DPP6: variants seen among roughly 807,000 people sequenced by gnomAD.
DPP6 encodes dipeptidyl peptidase like 6, also known as A-type potassium channel modulatory protein DPP6.
In DPP6, 69 loss-of-function variants were observed where a neutral mutation model predicts 122.6. That is an observed-to-expected ratio of 0.56 (90% confidence interval 0.46 to 0.69). The LOEUF is 0.69. DPP6 is among the 30% of genes least tolerant of loss of function. DPP6 has a pLI of 0.00. For missense variants in DPP6, 928 were observed against 1,116.9 expected (o/e 0.83, Z 2.41); for synonymous variants, 418 against 433.1 (o/e 0.97, Z 0.43).
chr7:154,704,952 G>A (rs889296953), intron 7 of DPP6, among the ~76,000 whole-genome samples: 8 of 152,186 alleles, frequency 5.3e-5, no homozygotes, highest in Admixed American at 1.3e-4. Context: ...TCGAGGCTGG[G>A]TCTCAAACTC....
the DPP6 span, among the ~76,000 whole-genome samples, chr7:153,820,679 G>C: frequency 6.6e-6 from 1 of 152,136 alleles, no homozygotes; most frequent in East Asian, 1.9e-4. Flanking sequence ...AATAGCTGAA[G>C]AGCAGCCGAA....
chr7:154,271,176 A>G (rs1311162185), intron 1 of DPP6, among the ~76,000 whole-genome samples: 2 of 152,180 alleles, frequency 1.3e-5, no homozygotes, highest in Non-Finnish European at 2.9e-5. Context: ...GTAATAGTCT[A>G]TGTAAACTGA....
chr7:154,147,804 A>G (rs1796190578), intron 1 of DPP6, among the ~76,000 whole-genome samples: 1 of 152,124 alleles, frequency 6.6e-6, no homozygotes, highest in African/African-American at 2.4e-5. Flanking sequence ...TCAGCCTCCC[A>G]AAGTGCTGGG....
At chr7:154,441,968 G>A (rs140724734) in intron 1 of DPP6, among the ~76,000 whole-genome samples, 1 of 152,228 alleles carries the variant, frequency 6.6e-6, no homozygotes, top group East Asian at 1.9e-4. Context: ...AAATAAGTAT[G>A]AGCAGCAGTG....
the DPP6 span, among the ~76,000 whole-genome samples, chr7:153,833,357 T>C: frequency 6.6e-6 from 1 of 152,176 alleles, no homozygotes; most frequent in African/African-American, 2.4e-5. Flanking sequence ...TCTCAAGATT[T>C]AAACTGAAAT....
intron 1 of DPP6, among the ~76,000 whole-genome samples, chr7:154,096,790 T>C (rs1805352809): frequency 6.6e-6 from 1 of 152,236 alleles, no homozygotes; most frequent in African/African-American, 2.4e-5. Flanking sequence ...GAAATTATGA[T>C]TAAATGATTT....
At chr7:154,368,000 G>A (rs565473170) in intron 1 of DPP6, among the ~76,000 whole-genome samples, 6 of 152,174 alleles carry the variant, frequency 3.9e-5, no homozygotes, top group Admixed American at 2.0e-4. Flanking sequence ...TAGAGACAGG[G>A]TTTTACCATG....
At chr7:154,761,587 G>T (rs567833760) in intron 8 of DPP6, among the ~76,000 whole-genome samples, 14 of 152,346 alleles carry the variant, frequency 9.2e-5, no homozygotes, top group Middle Eastern at 3.4e-3. Flanking sequence ...CTTCTGGAGA[G>T]GCCTCAGGAA....
At chr7:153,915,977 T>G (rs896043880) in intron 1 of DPP6, among the ~76,000 whole-genome samples, 13 of 138,290 alleles carry the variant, frequency 9.4e-5, no homozygotes, top group Non-Finnish European at 1.9e-4. Context: ...ATTTATTTAT[T>G]TATTTTCGAG....
At chr7:153,942,687 G>T (rs1269923420) in intron 1 of DPP6, among the ~76,000 whole-genome samples, 2 of 152,226 alleles carry the variant, frequency 1.3e-5, no homozygotes, top group African/African-American at 4.8e-5. Flanking sequence ...GCCAGAGCGG[G>T]CTGTGTCTTG....
chr7:154,771,817 G>A (rs1269449751), intron 9 of DPP6, among the ~76,000 whole-genome samples: 1 of 152,220 alleles, frequency 6.6e-6, no homozygotes, highest in East Asian at 1.9e-4. Flanking sequence ...TCTGTAGCAT[G>A]TGGAAGGGTC....
chr7:154,864,028 T>C (rs774175103), intron 17 of DPP6, among the ~76,000 whole-genome samples: 5 of 150,906 alleles, frequency 3.3e-5, no homozygotes, highest in East Asian at 2.0e-4. Flanking sequence ...ACGTGAGGAG[T>C]GAGCAGAAAT....
At chr7:154,516,800 C>G (rs188028687) in intron 3 of DPP6, among the ~76,000 whole-genome samples, 1 of 152,132 alleles carries the variant, frequency 6.6e-6, no homozygotes, top group East Asian at 1.9e-4. Flanking sequence ...GAACAGTGAT[C>G]AATGGCCTCA....
chr7:154,540,765 C>A, intron 4 of DPP6, 139 bp downstream of exon 4: 1 of 569,604 alleles, frequency 1.8e-6, no homozygotes, highest in South Asian at 2.4e-5. Context: ...GCTGAGCAAC[C>A]AAAGATAATG....
chr7:154,801,873 C>A (rs751484060), intron 13 of DPP6, among the ~76,000 whole-genome samples: 1 of 152,106 alleles, frequency 6.6e-6, no homozygotes, highest in Non-Finnish European at 1.5e-5. Context: ...TGCTGCCCTA[C>A]CTCCACCCGG....
intron 3 of DPP6, among the ~76,000 whole-genome samples, chr7:154,522,056 C>T (rs1000618170): frequency 2.0e-5 from 3 of 152,058 alleles, no homozygotes; most frequent in East Asian, 1.9e-4. Context: ...CTCCACCTCC[C>T]GGGTTCACGC....
intron 1 of DPP6, among the ~76,000 whole-genome samples, chr7:154,074,370 A>G (rs1382502157): frequency 2.0e-5 from 3 of 152,144 alleles, no homozygotes; most frequent in Non-Finnish European, 4.4e-5. Flanking sequence ...TAACCAAGAC[A>G]ATCATGAAGA....
intron 7 of DPP6, among the ~76,000 whole-genome samples, chr7:154,671,859 C>T (rs62475189): frequency 0.54 from 71,137 of 130,578 alleles, 17,424 homozygotes; most frequent in East Asian, 0.88. Flanking sequence ...CCCCAACACA[C>T]ACATGCACAC....
At chr7:154,297,075 T>A (rs1286418058) in intron 1 of DPP6, among the ~76,000 whole-genome samples, 2 of 139,984 alleles carry the variant, frequency 1.4e-5, no homozygotes, top group East Asian at 2.0e-4. Flanking sequence ...TTTTTTTTTT[T>A]TGTTTTGTTT....
Sources: allele counts gnomAD v4.1 joint callset (sites outside exome capture counted in the v4.1 genomes callset), GRCh38; gene constraint gnomAD v4.1.1; transcripts MANE v1.5; gene names NCBI Gene and HGNC (gene_info 2026-07-23, HGNC 2026-07-21).